The following TNIK variants were observed in gnomAD, a reference collection of about 807,000 sequenced individuals.
The protein encoded by TNIK is TRAF2 and NCK interacting kinase, also known as TRAF2 and NCK-interacting protein kinase.
In TNIK, 49 loss-of-function variants were observed where a neutral mutation model predicts 191.3. The observed-to-expected ratio is 0.26, with a 90% CI of 0.20 to 0.32. TNIK has a LOEUF of 0.32. Among genes scored for constraint, TNIK ranks in the 10% least tolerant of loss-of-function variants. The probability of loss-of-function intolerance (pLI) is 1.00; values close to 1 mark genes in which losing one functional copy is unlikely to be tolerated. For missense variants in TNIK, 1,155 were observed against 1,702.3 expected (o/e 0.68, Z 5.66); for synonymous variants, 594 against 600.9 (o/e 0.99, Z 0.17).
chr3:171,187,017 C>T (rs991774962), intron 7 of TNIK, among the ~76,000 whole-genome samples: 1 of 152,182 alleles, frequency 6.6e-6, no homozygotes, highest in African/African-American at 2.4e-5. Flanking sequence ...TAACAAAAGT[C>T]CCATATATAG....
At position 171,067,953 on chromosome 3, in the gene TNIK, T is replaced by C. The variant is rs57527655; in HGVS notation, c.3699+895A>G. 8.3e-3 allele frequency among the ~76,000 whole-genome samples: 1,265 copies of C among 152,310 alleles called. 28 individuals are homozygous for C. The highest frequency in any genetic ancestry group is 0.029 in the African/African-American group (1,203 of 41,560). ...AGTCGTGTGTGTGTATGTAATATAC[T>C]GAAACAACTTCTTTTAGTTATTGCG... On this transcript the variant is annotated intron_variant, in intron 30 of 32. Transcript: ENST00000436636.
rs76486499 is a variant in TNIK, at chr3:171,256,503, A to C, written c.124-28282T>G. ...TCCAATACTTCATGAACACTAAAAA[A>C]CAAAGCCACAGATACAAAGGACAGA... On this transcript the variant is annotated intron_variant, in intron 2 of 32. Coordinates refer to ENST00000436636, the MANE Select transcript of TNIK (RefSeq NM_015028.4). 9.9e-4 allele frequency among the ~76,000 whole-genome samples: 151 copies of C among 152,308 alleles called. 2 individuals carry two copies. In the East Asian group the frequency reaches 0.02, roughly 20 times the overall value.
chr3:171,367,711 C>A (rs567798236), intron 2 of TNIK, among the ~76,000 whole-genome samples: 1 of 152,280 alleles, frequency 6.6e-6, no homozygotes, highest in South Asian at 2.1e-4. Context: ...CTCAAATGAT[C>A]CATCTGCCTT....
At chr3:171,262,235 A>G (rs1399209434) in intron 2 of TNIK, among the ~76,000 whole-genome samples, 4 of 152,100 alleles carry the variant, frequency 2.6e-5, no homozygotes, top group South Asian at 2.1e-4. Context: ...CCTTTTTAAT[A>G]AAACAACCAG....
chr3:171,188,775 A>G lies in TNIK; in HGVS notation c.566T>C (p.Ile189Thr). The change falls in exon 7 of 33, where the codon ATT becomes ACT. Residue 189 changes from isoleucine (I) to threonine (T), a missense_variant. Ile to Thr is a moderately conservative substitution (Grantham distance 89, BLOSUM62 -1). This residue lies in a region of TNIK where 225 missense variants were observed against 438.9 expected (regional missense o/e 0.51). Transcript: ENST00000436636. ...TGGTGCCATCCAGTAGGGAGTTCCA[A>G]TGAAAGTATTCCTCCTGCCCACTGT... ...DRTVGRRNTF[I>T]GTPYWMAPEV... The G allele has an allele frequency of 1.2e-6, 2 of 1,613,716 alleles. No homozygotes were observed. The highest frequency in any genetic ancestry group is 1.7e-6 in the Non-Finnish European group (2 of 1,179,664).
chr3:171,237,747 C>A (rs1290441728), intron 2 of TNIK, among the ~76,000 whole-genome samples: 1 of 152,054 alleles, frequency 6.6e-6, no homozygotes. Flanking sequence ...TATAGTGAGA[C>A]CCCGTCTCTA....
intron 1 of TNIK, among the ~76,000 whole-genome samples, chr3:171,430,891 T>C (rs931134115): frequency 2.5e-4 from 38 of 152,152 alleles, no homozygotes; most frequent in Admixed American, 2.6e-4. Context: ...CAGGAGAAGA[T>C]AGCTAAATAA....
At chr3:171,184,564 G>A (rs1236658270) in intron 7 of TNIK, among the ~76,000 whole-genome samples, 2 of 152,148 alleles carry the variant, frequency 1.3e-5, no homozygotes, top group Non-Finnish European at 2.9e-5. Flanking sequence ...CATGCTATCT[G>A]GGTCATCTTC....
rs1050837978 is a variant in TNIK at position 171,460,270 on chromosome 3, G to A, written c.-207C>T. On this transcript the variant is annotated 5_prime_UTR_variant, in exon 1 of 33. Transcript: ENST00000436636. The surrounding 1 kb of genome is among the most constrained non-coding windows in gnomAD (Gnocchi z 6.8). ...CCGGGTCCGGGAGCCCAGCCTGCGC[G>A]GATCTCCAAGCCCCGAGCAGCGGTG... 1 of 637,844 alleles carries A rather than the reference G, an allele frequency of 1.6e-6. No individual in the cohort carries two copies. Among genetic ancestry groups the A allele is most frequent in the Non-Finnish European group, 2.7e-6 (1 of 369,256 alleles). The allele number at this position is 637,844 out of a possible 1,614,324, so 39.5% of individuals were successfully genotyped here.
chr3:171,087,608 C>T, intron 23 of TNIK, 102 bp from the exon 24 acceptor site: 1 of 1,260,228 alleles, frequency 7.9e-7, no homozygotes, highest in Non-Finnish European at 1.1e-6. Context: ...TCCAAATCAA[C>T]CCACTAGGGC....
At chr3:171,119,882 G>T (rs1454245120) in intron 18 of TNIK, among the ~76,000 whole-genome samples, 3 of 152,086 alleles carry the variant, frequency 2.0e-5, no homozygotes, top group Non-Finnish European at 4.4e-5. Flanking sequence ...CACCAACATG[G>T]CACATGTATA....
chr3:171,103,184 TTGCACACA>T (rs1351693478), intron 21 of TNIK, among the ~76,000 whole-genome samples: 1 of 151,944 alleles, frequency 6.6e-6, no homozygotes, highest in Non-Finnish European at 1.5e-5. Context: ...GCTAGGGCTT[TTGCACACA>T]TGCACATTTG....
intron 2 of TNIK, among the ~76,000 whole-genome samples, chr3:171,241,081 A>C (rs978790741): frequency 3.4e-5 from 5 of 146,592 alleles, no homozygotes; most frequent in African/African-American, 1.3e-4. Context: ...CCCAGTTTGG[A>C]GTGCAACGGC....
At chr3:171,399,031 T>C (rs1720585137) in intron 1 of TNIK, among the ~76,000 whole-genome samples, 1 of 152,174 alleles carries the variant, frequency 6.6e-6, no homozygotes, top group Admixed American at 6.5e-5. Context: ...AGTGAGCCCC[T>C]TGAGAGCTTA....
chr3:171,196,824 G>T (rs892167729), intron 4 of TNIK, among the ~76,000 whole-genome samples: 1 of 151,878 alleles, frequency 6.6e-6, no homozygotes, highest in Non-Finnish European at 1.5e-5. Context: ...GCGCGATCTC[G>T]GCTCACTGCA....
chr3:171,186,187 C>G (rs2108816620), intron 7 of TNIK, among the ~76,000 whole-genome samples: 1 of 152,236 alleles, frequency 6.6e-6, no homozygotes, highest in South Asian at 2.1e-4. Flanking sequence ...CAAGTTGTCC[C>G]CTGGTGACAG....
chr3:171,386,539 G>A (rs1413653168), intron 1 of TNIK, among the ~76,000 whole-genome samples: 1 of 152,094 alleles, frequency 6.6e-6, no homozygotes, highest in Non-Finnish European at 1.5e-5. Context: ...GGGATGTTTT[G>A]ATAAAGACAT....
chr3:171,360,789 T>C (rs1053994710), intron 2 of TNIK, among the ~76,000 whole-genome samples: 7 of 152,234 alleles, frequency 4.6e-5, no homozygotes, highest in Non-Finnish European at 8.8e-5. Flanking sequence ...GAGTCACCTT[T>C]ATATGAAGGC....
intron 2 of TNIK, among the ~76,000 whole-genome samples, chr3:171,268,558 T>C (rs1390344289): frequency 6.6e-6 from 1 of 152,068 alleles, no homozygotes; most frequent in Admixed American, 6.6e-5. Flanking sequence ...AAAATCTCTT[T>C]GTACTGCTTT....
Sources: gnomAD v4.1 joint callset for allele counts (sites outside exome capture counted in the v4.1 genomes callset) on GRCh38, gnomAD v4.1.1 for gene constraint, gnomAD v4.1.1 regional missense constraint, Gnocchi (gnomAD v3.1) non-coding constraint, MANE v1.5 for transcripts, NCBI Gene and HGNC (gene_info 2026-07-23, HGNC 2026-07-21) for gene names.